Variants in NALCN observed in about 807,000 individuals in gnomAD.
NALCN encodes the protein sodium leak channel, non-selective.
Under a neutral mutation model 225.3 loss-of-function variants are expected in NALCN, and 111 were observed. That is an observed-to-expected ratio of 0.49 (90% CI 0.42 to 0.58). The LOEUF is 0.58. Ranked by LOEUF, NALCN falls within the 20% of genes least tolerant of loss-of-function variation. NALCN has a pLI of 0.00. For missense variants in NALCN, 1,378 were observed against 2,202.4 expected (o/e 0.63, Z 7.49); for synonymous variants, 764 against 769.0 (o/e 0.99, Z 0.11).
At chr13:101,280,259 G>T (rs2138990055) in intron 10 of NALCN, among the ~76,000 whole-genome samples, 1 of 152,240 alleles carries the variant, frequency 6.6e-6, no homozygotes, top group Non-Finnish European at 1.5e-5. Context: ...GTGTCACACT[G>T]AATTACCTGA....
At chr13:101,157,241 T>C (rs556954662) in intron 15 of NALCN, among the ~76,000 whole-genome samples, 1 of 152,326 alleles carries the variant, frequency 6.6e-6, no homozygotes, top group Admixed American at 6.5e-5. Context: ...TACACATACA[T>C]GTATTTCCCT....
At chr13:101,300,396 T>TTCCTTCCC (rs1209381691) in intron 7 of NALCN, among the ~76,000 whole-genome samples, 1 of 145,734 alleles carries the variant, frequency 6.9e-6, no homozygotes, top group African/African-American at 2.6e-5. Context: ...CCTTCCTTCC[T>TTCCTTCCC]TCCCTCCTTC....
chr13:101,205,273 T>C (rs2040268635), intron 13 of NALCN, among the ~76,000 whole-genome samples: 1 of 152,146 alleles, frequency 6.6e-6, no homozygotes, highest in South Asian at 2.1e-4. Context: ...ATATCCTCAG[T>C]ATTTTTTACT....
intron 7 of NALCN, among the ~76,000 whole-genome samples, chr13:101,320,590 C>CT (rs2044710741): frequency 6.6e-6 from 1 of 152,084 alleles, no homozygotes; most frequent in Admixed American, 6.5e-5. Flanking sequence ...AAAAAAGACT[C>CT]TATTTTTATA....
chr13:101,373,918 T>G (rs1309172823), intron 6 of NALCN, among the ~76,000 whole-genome samples: 1 of 152,082 alleles, frequency 6.6e-6, no homozygotes, highest in Non-Finnish European at 1.5e-5. Flanking sequence ...AAGACATATA[T>G]AATAAATATG....
In NALCN at chr13:101,058,041, G is replaced by C. The variant is rs1459191927; in HGVS notation, c.4921C>G (p.Gln1641Glu). 7 of 1,612,688 alleles carry C rather than the reference G, an allele frequency of 4.3e-6. No individual in the cohort carries two copies. The highest frequency in any genetic ancestry group is 5.1e-6 in the Non-Finnish European group (6 of 1,179,952). Residue 1641 changes from glutamine (Q) to glutamate (E), a missense_variant, in exon 43 of 44, where the codon CAG becomes GAG. This residue lies in a region of NALCN where 145 missense variants were observed against 169.6 expected (regional missense o/e 0.85). Coordinates refer to ENST00000251127, the MANE Select transcript of NALCN (RefSeq NM_052867.4). ...SMQPETSSQQQLLSPTLSDRG... is the reference protein window; with the variant it reads ...SMQPETSSQQELLSPTLSDRG... ...TCCGACAGCGTGGGGCTCAGGAGCT[G>C]CTGCTGGCTGCTTGTCTGCATGGGA...
intron 6 of NALCN, among the ~76,000 whole-genome samples, chr13:101,357,575 G>C (rs921108885): frequency 6.6e-6 from 1 of 152,178 alleles, no homozygotes; most frequent in African/African-American, 2.4e-5. Context: ...CTCATGGATA[G>C]GAAGAATCAA....
intron 17 of NALCN, among the ~76,000 whole-genome samples, chr13:101,139,519 A>C (rs1372528265): frequency 6.6e-6 from 1 of 152,134 alleles, no homozygotes; most frequent in African/African-American, 2.4e-5. Context: ...ATCACCGATA[A>C]ACCAGCCTCT....
chr13:101,216,620 A>T (rs1342325037), intron 13 of NALCN, among the ~76,000 whole-genome samples: 2 of 152,164 alleles, frequency 1.3e-5, no homozygotes, highest in African/African-American at 4.8e-5. Flanking sequence ...AATAGTTTTA[A>T]ATATTAAAAT....
intron 1 of NALCN, among the ~76,000 whole-genome samples, chr13:101,399,490 T>C (rs1325328546): frequency 1.3e-5 from 2 of 152,192 alleles, no homozygotes; most frequent in East Asian, 1.9e-4. Context: ...TATGCTCTTA[T>C]ACCTAAAGCT....
At chr13:101,349,083 T>C (rs140233568) in intron 6 of NALCN, among the ~76,000 whole-genome samples, 56 of 152,218 alleles carry the variant, frequency 3.7e-4, no homozygotes, top group African/African-American at 1.3e-3. Flanking sequence ...ACCAGGAAAA[T>C]CCTGGACATA....
intron 30 of NALCN, among the ~76,000 whole-genome samples, chr13:101,088,656 C>T (rs778090101): frequency 1.3e-5 from 2 of 152,214 alleles, no homozygotes; most frequent in Non-Finnish European, 2.9e-5. Flanking sequence ...ACTTCCCTTA[C>T]TATGATTCCA....
At chr13:101,266,291 T>TAACATA (rs10693371) in intron 10 of NALCN, among the ~76,000 whole-genome samples, 97,998 of 151,558 alleles carry the variant, frequency 0.65, 34,330 homozygotes, top group Non-Finnish European at 0.8. Context: ...AGAAATCAGG[T>TAACATA]GGAAGAGATT....
intron 7 of NALCN, among the ~76,000 whole-genome samples, chr13:101,343,484 G>T (rs551451682): frequency 3.9e-5 from 6 of 152,150 alleles, no homozygotes; most frequent in Non-Finnish European, 8.8e-5. Flanking sequence ...ATACAAACAT[G>T]CCTGGTTACC....
In NALCN at chr13:101,074,658, G is replaced by A. The variant is rs2033130135; in HGVS notation, c.3959C>T (p.Thr1320Met). The change falls in exon 36 of 44, where the codon ACG becomes ATG. Residue 1320 changes from threonine to methionine, a missense_variant. Thr to Met is a moderately conservative substitution (Grantham distance 81). Transcript: ENST00000251127. ...CACTGTCAAGAGGAGCATCTTTAGC[G>A]TTACCTGGGGACCAGGGGTGGGAAG... ...RFFSICGKHV[T>M]LKMLLLTVVV... 2 of 1,603,040 alleles carry A rather than the reference G, an allele frequency of 1.2e-6. No individual in the cohort carries two copies. The highest frequency in any genetic ancestry group is 1.7e-6 in the Non-Finnish European group (2 of 1,176,678).
chr13:101,285,226 T>C (rs1167938073), intron 9 of NALCN, among the ~76,000 whole-genome samples: 2 of 152,152 alleles, frequency 1.3e-5, no homozygotes, highest in African/African-American at 4.8e-5. Context: ...GAAAATAAAC[T>C]TGCCTTCTAT....
At chr13:101,086,736 C>T (rs894367925) in intron 30 of NALCN, among the ~76,000 whole-genome samples, 1 of 151,842 alleles carries the variant, frequency 6.6e-6, no homozygotes. Flanking sequence ...TTTGGATTTT[C>T]TAGCTTCTTT....
chr13:101,182,133 CAAA>C lies in NALCN; in HGVS notation c.1765-5762_1765-5760del, dbSNP rs34387567. Among the ~76,000 whole-genome samples, 36 of 73,428 alleles carry C rather than the reference CAAA, an allele frequency of 4.9e-4. 1 individual carries two copies. The highest frequency in any genetic ancestry group is 0.013 in the Middle Eastern group (1 of 80). The allele number at this position is 73,428 out of a possible 152,430, so 48.2% of individuals were successfully genotyped here. A position where few individuals can be genotyped will look rare whatever the true frequency, so the allele number is the denominator to read the frequency against. On this transcript the variant is annotated intron_variant, in intron 14 of 43. Transcript: ENST00000251127. ...TGGGCAACAGAGCGAGACTCCATCT[CAAA>C]AAAAAAAAAAAAAAAAAAAAAGATA... is the stretch of plus-strand genomic sequence containing the variant.
At chr13:101,360,116 C>A (rs2046194173) in intron 6 of NALCN, among the ~76,000 whole-genome samples, 1 of 143,376 alleles carries the variant, frequency 7.0e-6, no homozygotes, top group African/African-American at 2.6e-5. Flanking sequence ...TTCTCTTTTT[C>A]TTTCCTTTCT....
Sources: gnomAD v4.1 joint callset for allele counts (sites outside exome capture counted in the v4.1 genomes callset) on GRCh38, gnomAD v4.1.1 for gene constraint, gnomAD v4.1.1 regional missense constraint, MANE v1.5 for transcripts, NCBI Gene and HGNC (gene_info 2026-07-23, HGNC 2026-07-21) for gene names.